The following UBE2E2 variants were observed in gnomAD, a reference collection of about 807,000 sequenced individuals.
The protein encoded by UBE2E2 is ubiquitin-conjugating enzyme E2 E2.
In UBE2E2, 6 loss-of-function variants were observed where a neutral mutation model predicts 24.7. That is an observed-to-expected ratio of 0.24 (90% CI 0.13 to 0.48). UBE2E2 has a LOEUF of 0.48. Among genes scored for constraint, UBE2E2 ranks in the 20% least tolerant of loss-of-function variants. The pLI is 0.99. For missense variants in UBE2E2, 169 were observed against 245.0 expected, an observed-to-expected ratio of 0.69 and a Z score of 2.07; for synonymous variants, 104 against 83.6, an observed-to-expected ratio of 1.24 and a Z score of -1.33.
In UBE2E2 at chr3:23,587,842, T is replaced by C. The variant is rs1575727032; in HGVS notation, c.509-1892T>C. Among the ~76,000 whole-genome samples the C allele has an allele frequency of 2.0e-5, 3 of 152,284 alleles. No homozygotes were observed. In the South Asian group the frequency reaches 6.2e-4, roughly 32 times the overall value. The stretch of plus-strand genomic sequence containing the variant: ...CAACATCTGAGAAAATGAAGAAGAA[T>C]CACAAAGAGTAGGCAGAGAGGCAAA... On this transcript the variant is annotated intron_variant, in intron 5 of 5. Coordinates refer to ENST00000396703, the MANE Select transcript of UBE2E2 (RefSeq NM_152653.4).
intron 3 of UBE2E2, among the ~76,000 whole-genome samples, chr3:23,477,685 T>A (rs1481666390): frequency 6.6e-6 from 1 of 152,258 alleles, no homozygotes; most frequent in East Asian, 1.9e-4. Flanking sequence ...TTCTCCGTGT[T>A]ACTGAAGAGT....
At chr3:23,449,744 A>T (rs1317286477) in intron 3 of UBE2E2, 1 of 507,210 alleles carries the variant, frequency 2.0e-6, no homozygotes, top group Non-Finnish European at 2.5e-6. Context: ...AACTTATCTC[A>T]TATAATTCTG....
intron 3 of UBE2E2, among the ~76,000 whole-genome samples, chr3:23,458,633 G>A (rs914990102): frequency 6.6e-6 from 1 of 152,046 alleles, no homozygotes; most frequent in African/African-American, 2.4e-5. Flanking sequence ...TAGCCAGGAT[G>A]GTCTCAATCT....
intron 3 of UBE2E2, among the ~76,000 whole-genome samples, chr3:23,264,396 A>C (rs1411477551): frequency 6.6e-6 from 1 of 152,100 alleles, no homozygotes; most frequent in Admixed American, 6.5e-5. Flanking sequence ...TGGGGAGGAC[A>C]AAAGAGTTAG....
intron 5 of UBE2E2, among the ~76,000 whole-genome samples, chr3:23,542,769 C>G (rs1401269175): frequency 6.6e-6 from 1 of 152,106 alleles, no homozygotes; most frequent in Admixed American, 6.6e-5. Context: ...GCTCTGGGAA[C>G]TCAAATTTGG....
At chr3:23,346,246 T>C (rs1441382704) in intron 3 of UBE2E2, among the ~76,000 whole-genome samples, 1 of 152,192 alleles carries the variant, frequency 6.6e-6, no homozygotes, top group Non-Finnish European at 1.5e-5. Flanking sequence ...TTAATTAAAA[T>C]ACTGAGCCAT....
intron 3 of UBE2E2, among the ~76,000 whole-genome samples, chr3:23,264,135 C>A (rs1697977401): frequency 6.6e-6 from 1 of 152,082 alleles, no homozygotes; most frequent in Admixed American, 6.5e-5. Flanking sequence ...AAGTATCTTA[C>A]CAAAATTTAA....
intron 5 of UBE2E2, among the ~76,000 whole-genome samples, chr3:23,580,074 G>T (rs1696441265): frequency 6.6e-6 from 1 of 152,222 alleles, no homozygotes; most frequent in African/African-American, 2.4e-5. Context: ...GGTGAGCAAA[G>T]AAAGTGGTTT....
chr3:23,345,211 A>G (rs1317039310), intron 3 of UBE2E2, among the ~76,000 whole-genome samples: 3 of 152,216 alleles, frequency 2.0e-5, no homozygotes, highest in African/African-American at 7.2e-5. Flanking sequence ...TATAACTATT[A>G]TTGTAGCAAA....
At chr3:23,462,798 G>A (rs1025528473) in intron 3 of UBE2E2, among the ~76,000 whole-genome samples, 16 of 152,120 alleles carry the variant, frequency 1.1e-4, no homozygotes, top group African/African-American at 3.9e-4. Context: ...GTTCTTTTAC[G>A]TCAGGGGGTA....
intron 3 of UBE2E2, among the ~76,000 whole-genome samples, chr3:23,466,176 C>CA (rs1259758460): frequency 6.6e-6 from 1 of 152,044 alleles, no homozygotes; most frequent in Non-Finnish European, 1.5e-5. Context: ...GCCAGCACAC[C>CA]AAAGCCATGA....
In UBE2E2 at chr3:23,389,013, A is replaced by G. The variant is rs571431455; in HGVS notation, c.228-110595A>G. Among the ~76,000 whole-genome samples, 353 of 148,630 alleles carry G rather than the reference A, an allele frequency of 2.4e-3. 1 individual carries two copies. Among genetic ancestry groups the G allele is most frequent in the Admixed American group, 4.5e-3 (68 of 15,130 alleles). ...CAAGACTCCATTTCCAAAAAAAAAA[A>G]AAAAAGAAAAAGAAAAAGAAAAAAA... On this transcript the variant is annotated intron_variant, in intron 3 of 5. Coordinates refer to ENST00000396703, the MANE Select transcript of UBE2E2 (RefSeq NM_152653.4).
intron 2 of UBE2E2, among the ~76,000 whole-genome samples, chr3:23,214,568 G>T (rs1037778850): frequency 1.6e-4 from 24 of 146,878 alleles, no homozygotes; most frequent in African/African-American, 6.0e-4. Context: ...GGATTTATGA[G>T]TTTTTTTTTT....
At chr3:23,377,143 T>C (rs1228661281) in intron 3 of UBE2E2, among the ~76,000 whole-genome samples, 3 of 152,164 alleles carry the variant, frequency 2.0e-5, no homozygotes, top group Non-Finnish European at 2.9e-5. Flanking sequence ...CCGTGTTCTG[T>C]TTCTGACCAT....
At chr3:23,300,616 C>A (rs1379805221) in intron 3 of UBE2E2, among the ~76,000 whole-genome samples, 1 of 152,216 alleles carries the variant, frequency 6.6e-6, no homozygotes, top group Non-Finnish European at 1.5e-5. Context: ...TTGGTCCCCA[C>A]TGTCTTCTGG....
intron 3 of UBE2E2, among the ~76,000 whole-genome samples, chr3:23,359,944 A>C (rs1312448811): frequency 6.6e-6 from 1 of 151,322 alleles, no homozygotes; most frequent in Non-Finnish European, 1.5e-5. Flanking sequence ...AAAATCTCTG[A>C]GCTGCCACCA....
intron 3 of UBE2E2, among the ~76,000 whole-genome samples, chr3:23,412,652 AG>A (rs763507239): frequency 2.6e-5 from 4 of 152,208 alleles, no homozygotes; most frequent in South Asian, 2.1e-4. Context: ...ACCTTAGTTA[AG>A]AGTTCAGAAA....
chr3:23,478,746 C>CA (rs1173600387), intron 3 of UBE2E2, among the ~76,000 whole-genome samples: 1 of 151,954 alleles, frequency 6.6e-6, no homozygotes, highest in African/African-American at 2.4e-5. Context: ...AGTTAGATTA[C>CA]AAAAAATTAA....
At chr3:23,276,291 C>G (rs1297087193) in intron 3 of UBE2E2, among the ~76,000 whole-genome samples, 2 of 151,622 alleles carry the variant, frequency 1.3e-5, no homozygotes. Flanking sequence ...TTCATTTATT[C>G]TAATTTTTGA....
Sources: gnomAD v4.1 joint callset for allele counts (sites outside exome capture counted in the v4.1 genomes callset) on GRCh38, gnomAD v4.1.1 for gene constraint, MANE v1.5 for transcripts, NCBI Gene and HGNC (gene_info 2026-07-23, HGNC 2026-07-21) for gene names.